KIAA1217: variants seen among roughly 807,000 people sequenced by gnomAD.
KIAA1217 encodes sickle tail protein homolog.
Under a neutral mutation model 163.9 loss-of-function variants are expected in KIAA1217, and 88 were observed. That is an observed-to-expected ratio of 0.54 (90% CI 0.45 to 0.64). The LOEUF (loss-of-function observed/expected upper bound fraction) is 0.64, where lower values mean the gene tolerates loss of function less well. Among genes scored for constraint, KIAA1217 ranks in the 30% least tolerant of loss-of-function variants. The pLI, the probability that KIAA1217 is intolerant of heterozygous loss-of-function variation, is 0.00. For missense variants in KIAA1217, 2,372 were observed against 2,475.0 expected, an observed-to-expected ratio of 0.96 and a Z score of 0.88; for synonymous variants, 903 against 923.1, an observed-to-expected ratio of 0.98 and a Z score of 0.39.
chr10:24,172,017 G>C (rs1308654467), intron 2 of KIAA1217, among the ~76,000 whole-genome samples: 1 of 152,108 alleles, frequency 6.6e-6, no homozygotes, highest in Non-Finnish European at 1.5e-5. Context: ...AAGAAACTGA[G>C]GCTTAGACAT....
intron 1 of KIAA1217, among the ~76,000 whole-genome samples, chr10:23,824,634 AAAAAAAAAAAAAAAAAT>A (rs1350055163): frequency 1.9e-4 from 9 of 46,990 alleles, no homozygotes; most frequent in African/African-American, 1.1e-3. Context: ...GTCTCAAGAA[AAAAAAAAAAAAAAAAAT>A]AAAAAAAATA....
chr10:24,520,351 T>C, intron 11 of KIAA1217, 98 bp downstream of exon 11: 1 of 1,492,600 alleles, frequency 6.7e-7, no homozygotes, highest in Non-Finnish European at 9.1e-7. Flanking sequence ...ATGCAAGTAT[T>C]TATTAAACGT....
At chr10:23,982,423 A>G (rs1845804591) in intron 1 of KIAA1217, among the ~76,000 whole-genome samples, 4 of 152,172 alleles carry the variant, frequency 2.6e-5, no homozygotes, top group Non-Finnish European at 5.9e-5. Context: ...CAGAAGTTAC[A>G]GTCTCAAGAG....
chr10:23,831,047 A>C (rs1838167818), intron 1 of KIAA1217, among the ~76,000 whole-genome samples: 2 of 152,144 alleles, frequency 1.3e-5, no homozygotes, highest in Admixed American at 6.6e-5. Context: ...CTCCAATTCT[A>C]GAACTTGTCT....
rs567969246 is a variant in KIAA1217 at position 24,090,207 on chromosome 10, C to T, written c.-171+82833C>T. 3.0e-5 allele frequency among the ~76,000 whole-genome samples: 4 copies of T among 135,280 alleles called. No homozygotes were observed. The East Asian group carries it at 8.6e-4, about 29-fold the overall frequency. The allele number at this position is 135,280 out of a possible 152,430, so 88.7% of individuals were successfully genotyped here. ...TTTGAGACAGGGTCTCGCTCTCTTG[C>T]TCAGGCTGGAGTGCAGTGGCATGAT... On this transcript the variant is annotated intron_variant, in intron 2 of 18. Coordinates refer to the KIAA1217 transcript ENST00000376462.
At chr10:23,865,341 TC>T (rs1382345235) in intron 1 of KIAA1217, among the ~76,000 whole-genome samples, 1 of 152,192 alleles carries the variant, frequency 6.6e-6, no homozygotes. Context: ...AAGTTGAGCA[TC>T]TTTTTATTTA....
intron 1 of KIAA1217, among the ~76,000 whole-genome samples, chr10:23,898,407 A>G (rs1841802268): frequency 6.6e-6 from 1 of 151,980 alleles, no homozygotes; most frequent in Non-Finnish European, 1.5e-5. Context: ...ACAACTATCA[A>G]CATTGAAGAC....
At chr10:24,511,002 G>A (rs969281070) in intron 9 of KIAA1217, among the ~76,000 whole-genome samples, 2 of 151,898 alleles carry the variant, frequency 1.3e-5, no homozygotes, top group Admixed American at 1.3e-4. Context: ...CTCTGTGGAG[G>A]GCAGAAATTA....
intron 3 of KIAA1217, among the ~76,000 whole-genome samples, chr10:24,402,932 A>G (rs1000682775): frequency 3.9e-5 from 6 of 152,182 alleles, no homozygotes; most frequent in Admixed American, 3.9e-4. Context: ...GGAGTTGGAG[A>G]CCAGCCTGGC....
At chr10:24,519,976 C>A (rs1400579459) in intron 10 of KIAA1217, 147 bp from the exon 11 acceptor site, 6 of 840,784 alleles carry the variant, frequency 7.1e-6, no homozygotes, top group Non-Finnish European at 1.1e-5. Context: ...AGATGAGCGA[C>A]CCCCCTCCAC....
At chr10:24,150,756 G>C (rs77770686) in intron 2 of KIAA1217, among the ~76,000 whole-genome samples, 5,422 of 152,172 alleles carry the variant, frequency 0.036, 155 homozygotes, top group Middle Eastern at 0.082. Flanking sequence ...CCTCCTCCCA[G>C]CATCTCTAGC....
intron 1 of KIAA1217, among the ~76,000 whole-genome samples, chr10:23,956,822 G>T (rs564751728): frequency 2.0e-5 from 3 of 152,100 alleles, no homozygotes; most frequent in Non-Finnish European, 4.4e-5. Flanking sequence ...GCTCTCCCAT[G>T]AACTCAGAGA....
intron 2 of KIAA1217, among the ~76,000 whole-genome samples, chr10:24,337,208 T>C (rs552640807): frequency 6.6e-6 from 1 of 152,352 alleles, no homozygotes; most frequent in East Asian, 1.9e-4. Context: ...CTCCTTTAAT[T>C]CAACTGTAAC....
chr10:24,407,400 C>A (rs918613558), intron 3 of KIAA1217, among the ~76,000 whole-genome samples: 2 of 152,082 alleles, frequency 1.3e-5, no homozygotes, highest in East Asian at 1.9e-4. Context: ...TTCAAGCAAT[C>A]CTCCTGCCTC....
intron 1 of KIAA1217, among the ~76,000 whole-genome samples, chr10:23,946,842 G>A (rs1844071270): frequency 6.6e-6 from 1 of 152,090 alleles, no homozygotes; most frequent in South Asian, 2.1e-4. Flanking sequence ...TATATGACAT[G>A]GTTTTGCTGT....
At chr10:23,793,651 C>G (rs1342831405) in intron 1 of KIAA1217, among the ~76,000 whole-genome samples, 1 of 152,184 alleles carries the variant, frequency 6.6e-6, no homozygotes, top group Non-Finnish European at 1.5e-5. Flanking sequence ...AGTTGCTAAC[C>G]ATGCACATTT....
At chr10:24,437,843 G>GTT (rs200060214) in intron 4 of KIAA1217, among the ~76,000 whole-genome samples, 72 of 88,154 alleles carry the variant, frequency 8.2e-4, no homozygotes, top group East Asian at 1.3e-3. Flanking sequence ...TTTTGGTACT[G>GTT]TTTTTTTTTT....
intron 2 of KIAA1217, among the ~76,000 whole-genome samples, chr10:24,016,383 G>A (rs548580330): frequency 2.0e-4 from 30 of 152,056 alleles, no homozygotes; most frequent in African/African-American, 6.5e-4. Flanking sequence ...ATCAACCAGC[G>A]ATTGGGCAGA....
chr10:23,792,588 G>T (rs1836005605), intron 1 of KIAA1217, among the ~76,000 whole-genome samples: 1 of 151,732 alleles, frequency 6.6e-6, no homozygotes, highest in Non-Finnish European at 1.5e-5. Flanking sequence ...CGCCTCCCGG[G>T]TTCATGCCGT....
Sources: gnomAD v4.1 joint callset for allele counts (sites outside exome capture counted in the v4.1 genomes callset) on GRCh38, gnomAD v4.1.1 for gene constraint, MANE v1.5 for transcripts, NCBI Gene and HGNC (gene_info 2026-07-23, HGNC 2026-07-21) for gene names.